The following TPRG1 variants were observed in gnomAD, a reference collection of about 807,000 sequenced individuals.
TPRG1 encodes the protein tumor protein p63 regulated 1.
In TPRG1, 29 loss-of-function variants were observed where a neutral mutation model predicts 29.3. The ratio of observed to expected loss-of-function variants is 0.99; its 90% CI spans 0.74 to 1.35. The LOEUF (loss-of-function observed/expected upper bound fraction) is 1.35. TPRG1 is among the 40% of genes most tolerant of loss of function. TPRG1 has a pLI of 0.00. For missense variants in TPRG1, 327 were observed against 335.0 expected (o/e 0.98, Z 0.19); for synonymous variants, 130 against 116.8 (o/e 1.11, Z -0.73).
chr3:189,097,727 T>G (rs1371159223), upstream of TPRG1, among the ~76,000 whole-genome samples: 1 of 152,204 alleles, frequency 6.6e-6, no homozygotes, highest in Non-Finnish European at 1.5e-5. Context: ...CCCCAGCAAT[T>G]TTACCTGCTG....
At chr3:189,049,082 A>G (rs2152138405) in intron 4 of TPRG1, among the ~76,000 whole-genome samples, 1 of 152,264 alleles carries the variant, frequency 6.6e-6, no homozygotes, top group South Asian at 2.1e-4. Context: ...CTCCACAGGG[A>G]GAAGGAATTC....
Position 189,323,121 on chromosome 3 carries a change from A to T in TPRG1, c.*2301A>T, listed in dbSNP as rs1245422885. ...CAATGATGGAATGGGTTGCTTCTTT[A>T]AACAGTGAGCCCACCATCACTTGGT... On this transcript the variant is annotated 3_prime_UTR_variant, in exon 6 of 6. Transcript: ENST00000345063. The T allele has an allele frequency of 3.3e-5, 5 of 152,144 alleles. No individual in the cohort carries two copies. Among genetic ancestry groups the T allele is most frequent in the Non-Finnish European group, 7.4e-5 (5 of 68,024 alleles). 9.4% of individuals were successfully genotyped at this position (152,144 alleles called of 1,614,324 possible).
intron 4 of TPRG1, among the ~76,000 whole-genome samples, chr3:189,259,935 G>A (rs970168792): frequency 2.0e-5 from 3 of 152,104 alleles, no homozygotes; most frequent in African/African-American, 7.2e-5. Context: ...ATTCTTACTT[G>A]TTCTCAAATG....
chr3:189,150,483 T>C (rs951118972), intron 4 of TPRG1, among the ~76,000 whole-genome samples: 6 of 152,068 alleles, frequency 3.9e-5, no homozygotes, highest in African/African-American at 1.4e-4. Context: ...GCCGAGATCT[T>C]TGTGTGGATT....
chr3:189,130,264 A>G (rs1022076387), intron 2 of TPRG1, among the ~76,000 whole-genome samples: 22 of 152,188 alleles, frequency 1.4e-4, no homozygotes, highest in Admixed American at 1.2e-3. Flanking sequence ...AGAAGAACTC[A>G]ACTAGACAAT....
chr3:189,279,340 C>A (rs1421393757), intron 4 of TPRG1, among the ~76,000 whole-genome samples: 2 of 152,130 alleles, frequency 1.3e-5, no homozygotes, highest in East Asian at 3.8e-4. Flanking sequence ...GAGATCACAA[C>A]TGGGAAATCT....
At chr3:189,315,505 A>G (rs1723365313) in intron 5 of TPRG1, 1 of 456,002 alleles carries the variant, frequency 2.2e-6, no homozygotes, top group Non-Finnish European at 4.4e-6. Context: ...TGCAGAGACT[A>G]CTGCTGGGAA....
At chr3:189,157,132 C>G (rs1267432293) in intron 5 of TPRG1, among the ~76,000 whole-genome samples, 2 of 152,140 alleles carry the variant, frequency 1.3e-5, no homozygotes, top group African/African-American at 4.8e-5. Flanking sequence ...AGTGCTACAG[C>G]CAATGTTTTC....
chr3:189,061,478 A>G (rs1341516738), intron 4 of TPRG1, among the ~76,000 whole-genome samples: 1 of 152,250 alleles, frequency 6.6e-6, no homozygotes, highest in African/African-American at 2.4e-5. Context: ...GCACAGCAAA[A>G]GAAGCTATTA....
In TPRG1 at chr3:189,113,839, A is replaced by G. The variant is rs542665326; in HGVS notation, c.-743-13218A>G. ...TGCTAAATGACGAGTTAATGGGTGCAGCACACCAGCATGGCACATGTATAC... is the reference window on the plus strand; with the variant it reads ...TGCTAAATGACGAGTTAATGGGTGCGGCACACCAGCATGGCACATGTATAC... On this transcript the variant is annotated intron_variant, in intron 1 of 6. Coordinates refer to the TPRG1 transcript ENST00000412373. Among the ~76,000 whole-genome samples the G allele has an allele frequency of 2.6e-3, 395 of 152,126 alleles. 1 individual carries two copies. Among genetic ancestry groups the G allele is most frequent in the Non-Finnish European group, 4.2e-3 (287 of 67,996 alleles).
chr3:189,113,690 C>T (rs534329853), intron 1 of TPRG1, among the ~76,000 whole-genome samples: 3 of 151,498 alleles, frequency 2.0e-5, no homozygotes, highest in East Asian at 3.9e-4. Context: ...TATTGATTTG[C>T]TCTCACTCAT....
intron 4 of TPRG1, among the ~76,000 whole-genome samples, chr3:189,066,798 G>A (rs748365711): frequency 1.2e-4 from 19 of 152,082 alleles, no homozygotes; most frequent in Middle Eastern, 3.4e-3. Flanking sequence ...ATTCAACATA[G>A]CACTGGAAGT....
At chr3:189,299,351 C>T (rs1720468490) in intron 4 of TPRG1, among the ~76,000 whole-genome samples, 1 of 152,130 alleles carries the variant, frequency 6.6e-6, no homozygotes, top group Non-Finnish European at 1.5e-5. Flanking sequence ...GACATGCCAG[C>T]ATCTGCGGCA....
At chr3:189,285,657 G>C (rs1717935957) in intron 4 of TPRG1, among the ~76,000 whole-genome samples, 1 of 152,124 alleles carries the variant, frequency 6.6e-6, no homozygotes, top group South Asian at 2.1e-4. Flanking sequence ...TACAGACATT[G>C]TACATAATTT....
At chr3:189,017,131 T>C (rs1304496102) in intron 3 of TPRG1, among the ~76,000 whole-genome samples, 6 of 152,008 alleles carry the variant, frequency 3.9e-5, no homozygotes, top group Non-Finnish European at 8.8e-5. Flanking sequence ...ATTTTGTTCA[T>C]GCCTTTTCAT....
chr3:189,066,833 G>C (rs1168623930), intron 4 of TPRG1, among the ~76,000 whole-genome samples: 1 of 151,642 alleles, frequency 6.6e-6, no homozygotes, highest in Non-Finnish European at 1.5e-5. Context: ...CAAAATGAGA[G>C]AAAAAAACAG....
chr3:189,311,258 A>G (rs1270661897), intron 5 of TPRG1, among the ~76,000 whole-genome samples: 3 of 152,182 alleles, frequency 2.0e-5, no homozygotes, highest in Admixed American at 6.5e-5. Flanking sequence ...ATAAAACCAA[A>G]TATACATATG....
At chr3:189,137,365 T>TCTCAAACCAAAAC (rs1723896035) in intron 3 of TPRG1, among the ~76,000 whole-genome samples, 2 of 145,984 alleles carry the variant, frequency 1.4e-5, no homozygotes, top group Non-Finnish European at 3.0e-5. Flanking sequence ...TGAAGTGAGC[T>TCTCAAACCAAAAC]CTCAAACCAA....
intron 3 of TPRG1, among the ~76,000 whole-genome samples, chr3:189,230,443 A>T (rs962401802): frequency 1.3e-5 from 2 of 151,934 alleles, no homozygotes; most frequent in African/African-American, 4.8e-5. Flanking sequence ...GCAAAAAAAA[A>T]ATGTGTTGTG....
Sources: allele counts gnomAD v4.1 joint callset (sites outside exome capture counted in the v4.1 genomes callset), GRCh38; gene constraint gnomAD v4.1.1; transcripts MANE v1.5; gene names NCBI Gene and HGNC (gene_info 2026-07-23, HGNC 2026-07-21).